Variants in MIER2 observed in about 807,000 individuals in gnomAD.
MIER2 encodes the protein mesoderm induction early response protein 2.
Under a neutral mutation model 67.6 loss-of-function variants are expected in MIER2, and 30 were observed. That is an observed-to-expected ratio of 0.44 (90% CI 0.33 to 0.60). The LOEUF is 0.60. MIER2 is among the 20% of genes least tolerant of loss of function. The pLI is 0.02. For synonymous variants in MIER2, 372 were observed against 312.6 expected (o/e 1.19, Z -2.00); for missense variants, 702 against 745.1 (o/e 0.94, Z 0.67).
Position 308,950 on chromosome 19 carries a change from C to A in MIER2, c.985-25G>T, listed in dbSNP as rs1432740750. The A allele has an allele frequency of 6.3e-7, 1 of 1,588,550 alleles. No homozygotes were observed. Among genetic ancestry groups the A allele is most frequent in the Admixed American group, 1.7e-5 (1 of 59,050 alleles). ...CCTGCGGGGAGGGGTCAGGAGCCAT[C>A]TCTGTCCCCGGCTGCCCAGCCCCAG... is the stretch of plus-strand genomic sequence containing the variant. On this transcript the variant is annotated intron_variant, in intron 10 of 13. Coordinates refer to ENST00000264819, the MANE Select transcript of MIER2 (RefSeq NM_017550.3). This position sits in a 1 kb window ranked among gnomAD's most constrained non-coding sequence, Gnocchi z 9.1.
At chr19:314,865 G>A (rs932099705) in intron 7 of MIER2, among the ~76,000 whole-genome samples, 23 of 152,090 alleles carry the variant, frequency 1.5e-4, no homozygotes, top group East Asian at 5.8e-4. Context: ...TGAGGTGGGA[G>A]GATCGGTTGA....
intron 7 of MIER2, among the ~76,000 whole-genome samples, chr19:317,513 C>T (rs1478743870): frequency 3.7e-5 from 5 of 135,706 alleles, no homozygotes; most frequent in Non-Finnish European, 6.3e-5. Context: ...GGTGACAAAG[C>T]GAGACTCTGT....
At chr19:313,688 G>A (rs1253499733) in intron 7 of MIER2, 45 bp from the exon 8 acceptor site, 1 of 1,591,026 alleles carries the variant, frequency 6.3e-7, no homozygotes, top group South Asian at 1.1e-5. Context: ...AACCCAATCT[G>A]CACCCACACA....
At position 324,481 on chromosome 19, in the gene MIER2, GACAC is replaced by G. The variant is rs570079255; in HGVS notation, c.655+1150_655+1153del. 2.2e-5 allele frequency among the ~76,000 whole-genome samples: 3 copies of G among 135,292 alleles called. 1 individual carries two copies. The Admixed American group carries it at 2.3e-4, about 10-fold the overall frequency. The allele number at this position is 135,292 out of a possible 152,430, so 88.8% of individuals were successfully genotyped here. ...GACGTCATCACAATGCAATACACAAGACACACACAACCACGCAGATGACTCGAAG... is the reference window on the plus strand; with the variant it reads ...GACGTCATCACAATGCAATACACAAGACACAACCACGCAGATGACTCGAAG... On this transcript the variant is annotated intron_variant, in intron 7 of 13. Coordinates refer to ENST00000264819, the MANE Select transcript of MIER2 (RefSeq NM_017550.3).
In MIER2 at chr19:306,667, C is replaced by T. The variant is rs372284005; in HGVS notation, c.*23G>A. On this transcript the variant is annotated 3_prime_UTR_variant, in exon 14 of 14. Transcript: ENST00000264819. ...GCAGCGCTAAGTCCAGTCTGGGCCG[C>T]ATACGCCGCCCGCGGCCAGGAGTCA... The T allele has an allele frequency of 1.3e-6, 2 of 1,553,038 alleles. No individual in the cohort carries two copies. The highest frequency in any genetic ancestry group is 2.7e-5 in the African/African-American group (2 of 73,218).
At chr19:307,933 C>T (rs946673001) in intron 12 of MIER2, among the ~76,000 whole-genome samples, 5 of 119,334 alleles carry the variant, frequency 4.2e-5, no homozygotes, top group African/African-American at 1.7e-4. Flanking sequence ...CCACAGGCAG[C>T]GCAAGGGGCC....
chr19:341,921 G>A (rs1013577218), intron 1 of MIER2, among the ~76,000 whole-genome samples: 2 of 152,148 alleles, frequency 1.3e-5, no homozygotes, highest in African/African-American at 4.8e-5. Context: ...GCACAGACCA[G>A]CCCTTCCCCC....
chr19:328,921 G>A (rs1971892111), intron 3 of MIER2, among the ~76,000 whole-genome samples: 1 of 152,162 alleles, frequency 6.6e-6, no homozygotes, highest in African/African-American at 2.4e-5. Flanking sequence ...AATGTAATAT[G>A]ACAAGAAGTA....
Position 326,513 on chromosome 19 carries a change from A to G in MIER2, c.579T>C (p.Cys193=), listed in dbSNP as rs773235011. The part of the protein sequence containing the change: ...TEEDSLPANK[C]KKEIMVGPQF... ...AGATGGCAGAACCACGTACCTTCTT[A>G]CATTTGTTGGCAGGAAGAGAGTCCT... The change falls in exon 6 of 14, where the codon TGT becomes TGC. Residue 193 remains cysteine (C), a synonymous_variant. Transcript: ENST00000264819. 1.4e-5 allele frequency: 23 copies of G among 1,613,616 alleles called. No homozygotes were observed. The highest frequency in any genetic ancestry group is 1.7e-5 in the Non-Finnish European group (20 of 1,179,670).
chr19:307,057 C>T (rs1970681785), intron 13 of MIER2, 62 bp downstream of exon 13: 1 of 1,508,022 alleles, frequency 6.6e-7, no homozygotes, highest in Admixed American at 2.0e-5. Flanking sequence ...TCTGCTCAGC[C>T]TGAGGGCTGG....
rs2145365821 is a variant in MIER2 at position 312,016 on chromosome 19, GA to G, written c.890-78del. The G allele has an allele frequency of 3.2e-5, 38 of 1,183,096 alleles. 9 individuals are homozygous for G. In the East Asian group the frequency reaches 4.6e-4, roughly 14 times the overall value. 73.3% of individuals were successfully genotyped at this position (1,183,096 alleles called of 1,614,324 possible). On this transcript the variant is annotated intron_variant, in intron 9 of 13. Coordinates refer to ENST00000264819, the MANE Select transcript of MIER2 (RefSeq NM_017550.3). ...GCGGAAGGAAGGCCCAGGCCGGGGA[GA>G]ACAGTCAGCGGCGCCCAGGGCGGGG... is the stretch of plus-strand genomic sequence containing the variant.
At chr19:332,039 T>C (rs756117388) in intron 3 of MIER2, among the ~76,000 whole-genome samples, 2 of 152,216 alleles carry the variant, frequency 1.3e-5, no homozygotes, top group Non-Finnish European at 2.9e-5. Flanking sequence ...CAAAGAGATA[T>C]GGAAAACTAA....
At chr19:326,855 G>A (rs1035832313) in intron 5 of MIER2, 3 of 583,314 alleles carry the variant, frequency 5.1e-6, no homozygotes, top group Admixed American at 3.2e-5. Context: ...ACAGAGGCTT[G>A]TGAAGGAGGC....
intron 1 of MIER2, chr19:344,500 C>A: frequency 2.1e-6 from 1 of 472,782 alleles, no homozygotes; most frequent in Non-Finnish European, 2.8e-6. Flanking sequence ...TCCCCTCCCC[C>A]ACCCCGGCCC....
At chr19:328,885 C>T (rs371284115) in intron 3 of MIER2, among the ~76,000 whole-genome samples, 2 of 152,226 alleles carry the variant, frequency 1.3e-5, no homozygotes, top group African/African-American at 2.4e-5. Flanking sequence ...CTGTGATTAA[C>T]GAACACTGTT....
chr19:306,984 T>A, intron 13 of MIER2, 135 bp downstream of exon 13: 2 of 1,104,280 alleles, frequency 1.8e-6, no homozygotes, highest in Non-Finnish European at 2.5e-6. Flanking sequence ...AAAGACACAC[T>A]GAGAGCCTGC....
intron 2 of MIER2, among the ~76,000 whole-genome samples, chr19:335,677 A>C (rs1037044904): frequency 2.6e-5 from 4 of 152,200 alleles, no homozygotes; most frequent in African/African-American, 9.7e-5. Context: ...CCACTGGGCA[A>C]GCAGCAGCGC....
intron 2 of MIER2, among the ~76,000 whole-genome samples, chr19:335,003 G>A (rs551232611): frequency 1.3e-5 from 2 of 152,166 alleles, no homozygotes; most frequent in South Asian, 2.1e-4. Flanking sequence ...AACCAATGGG[G>A]GCTCGACAAC....
rs1295850850 is a variant in MIER2 at position 332,453 on chromosome 19, T to C, written c.243+1947A>G. Reference sequence around the variant, plus strand: ...GAGTGCTGGGATTACAGGCGCCTGCTACCACGCCCGGCTAATTTTTGTATT... The same window carrying C: ...GAGTGCTGGGATTACAGGCGCCTGCCACCACGCCCGGCTAATTTTTGTATT... On this transcript the variant is annotated intron_variant, in intron 3 of 13. Transcript: ENST00000264819. Among the ~76,000 whole-genome samples the C allele has an allele frequency of 3.4e-3, 521 of 151,510 alleles. 4 individuals carry two copies. Among genetic ancestry groups the C allele is most frequent in the African/African-American group, 0.012 (499 of 41,234 alleles).
Sources: allele counts gnomAD v4.1 joint callset (sites outside exome capture counted in the v4.1 genomes callset), GRCh38; gene constraint gnomAD v4.1.1; non-coding constraint Gnocchi (gnomAD v3.1); transcripts MANE v1.5; gene names NCBI Gene and HGNC (gene_info 2026-07-23, HGNC 2026-07-21).